R3HDM1: variants seen among roughly 807,000 people sequenced by gnomAD.
The protein encoded by R3HDM1 is R3H domain-containing protein 1.
In R3HDM1, 46 loss-of-function variants were observed where a neutral mutation model predicts 141.1. The observed-to-expected ratio is 0.33, with a 90% CI of 0.26 to 0.42. The LOEUF is 0.42. R3HDM1 is among the 10% of genes least tolerant of loss of function. The probability of loss-of-function intolerance (pLI) is 1.00; values close to 1 mark genes in which losing one functional copy is unlikely to be tolerated. For missense variants in R3HDM1, 1,184 were observed against 1,368.3 expected (o/e 0.87, Z 2.12); for synonymous variants, 435 against 472.9 (o/e 0.92, Z 1.04).
At chr2:135,594,980 C>T (rs1452684000) in intron 1 of R3HDM1, among the ~76,000 whole-genome samples, 2 of 151,224 alleles carry the variant, frequency 1.3e-5, no homozygotes, top group African/African-American at 4.9e-5. Context: ...ATTCTACACC[C>T]CCCCCCCTTT....
At chr2:135,672,811 G>A (rs2068600391) in intron 19 of R3HDM1, among the ~76,000 whole-genome samples, 1 of 152,016 alleles carries the variant, frequency 6.6e-6, no homozygotes, top group Non-Finnish European at 1.5e-5. Context: ...CTGCTTTAAA[G>A]AATAAGATAC....
intron 17 of R3HDM1, chr2:135,650,211 A>T (rs768291249): frequency 2.3e-5 from 22 of 975,124 alleles, no homozygotes; most frequent in Non-Finnish European, 2.6e-5. Flanking sequence ...TGATTGTTTA[A>T]CCTTTTCCTG....
At chr2:135,570,339 A>G (rs1157833632) in intron 1 of R3HDM1, among the ~76,000 whole-genome samples, 1 of 152,206 alleles carries the variant, frequency 6.6e-6, no homozygotes, top group East Asian at 1.9e-4. Flanking sequence ...ATGTGTCTGT[A>G]TGCTGTAGGA....
chr2:135,706,356 T>G (rs1191627041), intron 21 of R3HDM1, among the ~76,000 whole-genome samples: 1 of 151,868 alleles, frequency 6.6e-6, no homozygotes, highest in Non-Finnish European at 1.5e-5. Flanking sequence ...AGTTTACATA[T>G]CCATAGTTTT....
chr2:135,690,190 C>G (rs768329547), intron 21 of R3HDM1, among the ~76,000 whole-genome samples: 2 of 151,732 alleles, frequency 1.3e-5, no homozygotes, highest in Non-Finnish European at 2.9e-5. Flanking sequence ...TGTGATACCT[C>G]TCTTGTATTC....
chr2:135,698,920 T>C (rs891900677), intron 21 of R3HDM1, among the ~76,000 whole-genome samples: 6 of 151,882 alleles, frequency 4.0e-5, no homozygotes, highest in African/African-American at 1.5e-4. Context: ...ACCTCCAGCG[T>C]TGGGGATTAC....
chr2:135,643,525 C>T (rs886197984), intron 15 of R3HDM1, among the ~76,000 whole-genome samples: 5 of 151,796 alleles, frequency 3.3e-5, no homozygotes, highest in African/African-American at 2.4e-5. Flanking sequence ...TTTTCTCACT[C>T]GTAATCATTG....
intron 21 of R3HDM1, among the ~76,000 whole-genome samples, chr2:135,692,221 T>C (rs895797178): frequency 4.6e-5 from 7 of 152,286 alleles, no homozygotes; most frequent in African/African-American, 9.6e-5. Flanking sequence ...TTTTTTTTTT[T>C]CTAAGGTGAA....
Position 135,645,516 on chromosome 2 carries a change from A to G in R3HDM1, c.1612A>G (p.Ile538Val). ...ACCTCAACAACCAGCAGCTAATCAC[A>G]TTTTCTCACAGGTGCACATATCCAT... ...APPQQPAANH[I>V]FSQPVHPLQS... is the part of the protein sequence containing the mutation. The change falls in exon 16 of 27, where the codon ATT (isoleucine) becomes GTT (valine). Residue 538 changes from isoleucine to valine, a missense_variant. Ile to Val is a conservative substitution (Grantham distance 29). Around this residue, in one of 5 missense-constraint regions of R3HDM1, gnomAD observed 563 missense variants for 562.0 expected, o/e 1.00. Transcript: ENST00000683871. The G allele has an allele frequency of 6.2e-7, 1 of 1,613,842 alleles. No homozygotes were observed. Among genetic ancestry groups the G allele is most frequent in the South Asian group, 1.1e-5 (1 of 91,038 alleles).
At chr2:135,555,651 A>G (rs571011039) in intron 1 of R3HDM1, among the ~76,000 whole-genome samples, 2 of 152,370 alleles carry the variant, frequency 1.3e-5, no homozygotes, top group East Asian at 1.9e-4. Flanking sequence ...GTGAAAAAGT[A>G]GAAACAACCC....
chr2:135,618,463 A>ATTTTTTTTTTTTTT, intron 5 of R3HDM1, among the ~76,000 whole-genome samples: 1 of 124,120 alleles, frequency 8.1e-6, no homozygotes, highest in Non-Finnish European at 1.7e-5. Context: ...CGCCCGGCTG[A>ATTTTTTTTTTTTTT]TTTTTTTTTT....
rs1253804523 is a variant in R3HDM1, at chr2:135,724,854, C to T, written c.*562C>T. 2 of 152,664 alleles carry T rather than the reference C, an allele frequency of 1.3e-5. No homozygotes were observed. The highest frequency in any genetic ancestry group is 6.5e-5 in the Admixed American group (1 of 15,280). The allele number at this position is 152,664 out of a possible 1,614,324, so 9.5% of individuals were successfully genotyped here. On this transcript the variant is annotated 3_prime_UTR_variant, in exon 27 of 27. Transcript: ENST00000683871. The stretch of plus-strand genomic sequence containing the variant: ...ATTACCAAAAAATACATAACTCTTC[C>T]TTGTAGGGCCCTTTCCTTATTCATT...
chr2:135,700,698 C>A (rs190067180), intron 21 of R3HDM1, among the ~76,000 whole-genome samples: 2 of 152,198 alleles, frequency 1.3e-5, no homozygotes, highest in African/African-American at 4.8e-5. Flanking sequence ...ATTCTCCCAT[C>A]TAAAAAATAA....
chr2:135,695,169 C>T (rs759385108), intron 21 of R3HDM1, among the ~76,000 whole-genome samples: 66 of 152,240 alleles, frequency 4.3e-4, no homozygotes, highest in Admixed American at 1.2e-3. Context: ...TGGTCCAGAA[C>T]AAAGCTCAAA....
At chr2:135,663,055 C>T (rs1002335448) in intron 19 of R3HDM1, among the ~76,000 whole-genome samples, 1 of 150,834 alleles carries the variant, frequency 6.6e-6, no homozygotes, top group African/African-American at 2.4e-5. Flanking sequence ...ATTTTTATCC[C>T]TGTCCATGGT....
chr2:135,696,984 T>G (rs562231193), intron 21 of R3HDM1, among the ~76,000 whole-genome samples: 21 of 152,306 alleles, frequency 1.4e-4, no homozygotes, highest in African/African-American at 4.3e-4. Flanking sequence ...AATGTTAAAA[T>G]TTAATCAAAA....
intron 16 of R3HDM1, among the ~76,000 whole-genome samples, chr2:135,647,972 A>G (rs186805723): frequency 7.0e-4 from 107 of 152,310 alleles, no homozygotes; most frequent in African/African-American, 2.4e-3. Flanking sequence ...CTTGGTGCTC[A>G]TAGTACTTTC....
chr2:135,700,304 C>T (rs2074030965), intron 21 of R3HDM1, among the ~76,000 whole-genome samples: 1 of 152,158 alleles, frequency 6.6e-6, no homozygotes, highest in Non-Finnish European at 1.5e-5. Context: ...CAGACCGTTT[C>T]TCAGATAGTG....
intron 18 of R3HDM1, among the ~76,000 whole-genome samples, chr2:135,652,821 A>C (rs2065291207): frequency 6.6e-6 from 1 of 152,196 alleles, no homozygotes; most frequent in African/African-American, 2.4e-5. Context: ...TTCTTAGTAG[A>C]TATAAAATGA....
Sources: gnomAD v4.1 joint callset for allele counts (sites outside exome capture counted in the v4.1 genomes callset) on GRCh38, gnomAD v4.1.1 for gene constraint, gnomAD v4.1.1 regional missense constraint, MANE v1.5 for transcripts, NCBI Gene and HGNC (gene_info 2026-07-23, HGNC 2026-07-21) for gene names.